Variants in BRAT1 observed in about 807,000 individuals in gnomAD.
BRAT1 encodes BRCA1 associated ATM activator 1, also known as integrator complex assembly factor BRAT1.
A neutral mutation model predicts 70.6 loss-of-function variants in BRAT1; 74 were observed. That is an observed-to-expected ratio of 1.05 (90% CI 0.87 to 1.27). BRAT1 has a LOEUF of 1.27. Ranked by LOEUF, BRAT1 falls within the 50% of genes most tolerant of loss-of-function variation. The pLI is 0.00. For missense variants in BRAT1, 1,203 were observed against 1,098.2 expected (o/e 1.10, Z -1.35); for synonymous variants, 615 against 517.1 (o/e 1.19, Z -2.57).
Position 2,543,378 on chromosome 7 carries a change from G to T in BRAT1, c.804-55C>A. ...CTCCCCCACCCTCAAAACCCCATTC[G>T]AGGCCTGGCTGAGACTGCCATGGCT... is the stretch of plus-strand genomic sequence containing the variant. On this transcript the variant is annotated intron_variant, in intron 5 of 13. Coordinates refer to ENST00000340611, the MANE Select transcript of BRAT1 (RefSeq NM_152743.4). This position sits in a 1 kb window ranked among gnomAD's most constrained non-coding sequence, Gnocchi z 5.5. 1 of 1,523,260 alleles carries T rather than the reference G, an allele frequency of 6.6e-7. No individual in the cohort carries two copies. The allele number at this position is 1,523,260 out of a possible 1,614,324, so 94.4% of individuals were successfully genotyped here.
At chr7:2,555,121 C>A (rs1229211153) in intron 1 of BRAT1, among the ~76,000 whole-genome samples, 1 of 146,826 alleles carries the variant, frequency 6.8e-6, no homozygotes, top group African/African-American at 2.5e-5. Flanking sequence ...CGGCGGGGTG[C>A]GGAAAGGAAG....
At chr7:2,540,060 T>C (rs1779029384) in intron 10 of BRAT1, 172 bp from the exon 11 acceptor site, 10 of 559,704 alleles carry the variant, frequency 1.8e-5, no homozygotes, top group African/African-American at 3.9e-5. Context: ...AGGGTCTCAA[T>C]GTGTCATCCA....
intron 4 of BRAT1, 28 bp downstream of exon 4, chr7:2,544,881 G>A (rs1485886272): frequency 1.7e-5 from 27 of 1,547,194 alleles, no homozygotes; most frequent in Non-Finnish European, 2.3e-5. Flanking sequence ...GCAGGATGAG[G>A]AATGGGGTGG....
Position 2,543,678 on chromosome 7 carries a change from G to C in BRAT1, c.715C>G (p.Arg239Gly), listed in dbSNP as rs758480762. ...AGACAGGCCACGCGGGGACTCAGCC[G>C]CACCCACAGGGCTTCCGTCCAGGGG... ...QSPWTEALWV[R>G]LSPRVACLLE... is the part of the protein sequence containing the mutation. The change falls in exon 5 of 14, where the codon CGG (arginine) becomes GGG (glycine). Residue 239 changes from arginine (R) to glycine (G), a missense_variant. Physicochemically the swap from Arg to Gly is moderately radical, Grantham distance 125 (BLOSUM62 -2). Transcript: ENST00000340611. The surrounding 1 kb of genome is among the most constrained non-coding windows in gnomAD (Gnocchi z 5.5). 5 of 1,563,360 alleles carry C rather than the reference G, an allele frequency of 3.2e-6. No individual in the cohort carries two copies. The highest frequency in any genetic ancestry group is 4.4e-6 in the Non-Finnish European group (5 of 1,149,124).
At position 2,542,194 on chromosome 7, in the gene BRAT1, G is replaced by T; in HGVS notation, c.941C>A (p.Thr314Asn). Residue 314 changes from threonine to asparagine, a missense_variant, in exon 7 of 14, where the codon ACC becomes AAC. Physicochemically the swap from Thr to Asn is moderately conservative, Grantham distance 65 (BLOSUM62 0). Transcript: ENST00000340611. ...CTGGAGAAGGACCTGGAAGGCCTGG[G>T]TCCTCAGTGCCTGTGGACTGGAGAC... ...KLEHCPQALRTQAFQVLLQPL... is the reference protein window; with the variant it reads ...KLEHCPQALRNQAFQVLLQPL... The T allele has an allele frequency of 2.6e-6, 4 of 1,564,372 alleles. No homozygotes were observed. The highest frequency in any genetic ancestry group is 3.5e-6 in the Non-Finnish European group (4 of 1,154,378).
chr7:2,547,852 G>T (rs1350307847), intron 2 of BRAT1, among the ~76,000 whole-genome samples: 5 of 152,220 alleles, frequency 3.3e-5, no homozygotes, highest in African/African-American at 9.6e-5. Context: ...AGGAGGCCAA[G>T]GCGGGTGGTC....
At chr7:2,551,332 TA>T (rs1338776081) in intron 2 of BRAT1, among the ~76,000 whole-genome samples, 1 of 151,242 alleles carries the variant, frequency 6.6e-6, no homozygotes, top group Non-Finnish European at 1.5e-5. Context: ...TGGTACACCT[TA>T]AATGGGAGAA....
In BRAT1 at chr7:2,537,884, T is replaced by C. The variant is rs1778803399; in HGVS notation, c.*185A>G. The stretch of plus-strand genomic sequence containing the variant: ...AGACTTCAATGCCATTTATTTTGAG[T>C]AGAAATAAGTCATTTCTTTAATACA... On this transcript the variant is annotated 3_prime_UTR_variant, in exon 14 of 14. Transcript: ENST00000340611. 2 of 983,174 alleles carry C rather than the reference T, an allele frequency of 2.0e-6. No homozygotes were observed. The highest frequency in any genetic ancestry group is 6.1e-5 in the South Asian group (2 of 32,794). The allele number at this position is 983,174 out of a possible 1,614,324, so 60.9% of individuals were successfully genotyped here.
intron 1 of BRAT1, 89 bp from the exon 2 acceptor site, chr7:2,554,536 C>G (rs1451598963): frequency 6.9e-7 from 1 of 1,440,356 alleles, no homozygotes; most frequent in Non-Finnish European, 9.2e-7. Context: ...CTGCTCAGGC[C>G]TGGGAAGGGG....
chr7:2,537,986 G>T lies in BRAT1; in HGVS notation c.*83C>A. ...AGAGGATCCACCGGGCTGGGCTGGAGCCCTGGGGCTGGCAGTGTCCCACAG... is the reference window on the plus strand; with the variant it reads ...AGAGGATCCACCGGGCTGGGCTGGATCCCTGGGGCTGGCAGTGTCCCACAG... On this transcript the variant is annotated 3_prime_UTR_variant, in exon 14 of 14. Coordinates refer to ENST00000340611, the MANE Select transcript of BRAT1 (RefSeq NM_152743.4). 6.9e-7 allele frequency: 1 copy of T among 1,445,866 alleles called. No homozygotes were observed. The allele number at this position is 1,445,866 out of a possible 1,614,324, so 89.6% of individuals were successfully genotyped here. A position where few individuals can be genotyped will look rare whatever the true frequency, so the allele number is the denominator to read the frequency against.
chr7:2,547,347 C>T lies in BRAT1; in HGVS notation c.259G>A (p.Glu87Lys). 5 of 1,614,114 alleles carry T rather than the reference C, an allele frequency of 3.1e-6. No homozygotes were observed. The highest frequency in any genetic ancestry group is 2.2e-5 in the East Asian group (1 of 44,876). ...LRLAGTFAAQ[E>K]NCFQYLQQGE... is the part of the protein sequence containing the mutation. ...ACCTGAAGATACTGGAAGCAGTTTT[C>T]CTGGGCTGCGAAGGTTCCTGCCAGG... Residue 87 changes from glutamate (E) to lysine (K), a missense_variant, in exon 3 of 14, where the codon GAA becomes AAA. Glu to Lys is a moderately conservative substitution (Grantham distance 56). Transcript: ENST00000340611.
intron 7 of BRAT1, 109 bp from the exon 8 acceptor site, chr7:2,541,945 A>G (rs117866045): frequency 0.039 from 51,200 of 1,305,484 alleles, 1,302 homozygotes; most frequent in South Asian, 0.08. Context: ...CTAGGTGCAG[A>G]GCAGCAGCTC....
intron 2 of BRAT1, among the ~76,000 whole-genome samples, chr7:2,550,467 C>CAAAAAAAAAA (rs71550358): frequency 3.1e-5 from 1 of 32,670 alleles, no homozygotes; most frequent in Non-Finnish European, 5.7e-5. Flanking sequence ...GACTCCATCT[C>CAAAAAAAAAA]AAAAAAAAAA....
chr7:2,553,875 G>C (rs1309497842), intron 2 of BRAT1, among the ~76,000 whole-genome samples: 1 of 151,124 alleles, frequency 6.6e-6, no homozygotes, highest in Non-Finnish European at 1.5e-5. Context: ...TTGAACTCCT[G>C]GACTTAAGCA....
In BRAT1 at chr7:2,538,754, AG is replaced by A. The variant is rs1418921410; in HGVS notation, c.1780del (p.Leu594TrpfsTer9). On this transcript the variant is annotated frameshift_variant, in exon 14 of 14. Coordinates refer to ENST00000340611, the MANE Select transcript of BRAT1 (RefSeq NM_152743.4). LOFTEE classifies it low-confidence loss of function (END_TRUNC). Reference protein sequence around the residue: ...EHAEARQSLFLELLHILSVDS... With the variant: ...EHAEARQSLFXELLHILSVDS... ...TACGGAGAGGATGTGCAGGAGCTCC[AG>A]GAACAGGCTCTGGGGGACAGGGAGC... The A allele has an allele frequency of 6.3e-7, 1 of 1,598,226 alleles. No homozygotes were observed. Among genetic ancestry groups the A allele is most frequent in the Non-Finnish European group, 8.5e-7 (1 of 1,179,848 alleles).
intron 3 of BRAT1, 86 bp from the exon 4 acceptor site, chr7:2,545,142 G>A: frequency 1.5e-6 from 2 of 1,377,262 alleles, no homozygotes; most frequent in Non-Finnish European, 1.9e-6. Context: ...GAGGAGGGCA[G>A]ATCACGAGGT....
In BRAT1 at chr7:2,537,897, T is replaced by C. The variant is rs577991732; in HGVS notation, c.*172A>G. The C allele has an allele frequency of 3.0e-4, 342 of 1,124,628 alleles. No individual in the cohort carries two copies. The African/African-American group carries it at 5.0e-3, about 17-fold the overall frequency. The allele number at this position is 1,124,628 out of a possible 1,614,324, so 69.7% of individuals were successfully genotyped here. A position where few individuals can be genotyped will look rare whatever the true frequency, so the allele number is the denominator to read the frequency against. ...ATTTATTTTGAGTAGAAATAAGTCA[T>C]TTCTTTAATACATCAAACTGTGGGA... On this transcript the variant is annotated 3_prime_UTR_variant, in exon 14 of 14. Coordinates refer to ENST00000340611, the MANE Select transcript of BRAT1 (RefSeq NM_152743.4).
intron 2 of BRAT1, among the ~76,000 whole-genome samples, chr7:2,549,667 T>G (rs1405312039): frequency 3.9e-5 from 6 of 152,156 alleles, no homozygotes; most frequent in African/African-American, 7.2e-5. Context: ...CAAACTTATC[T>G]GTTAAAAGAA....
intron 3 of BRAT1, among the ~76,000 whole-genome samples, chr7:2,545,981 CA>C (rs1049445139): frequency 1.3e-5 from 2 of 152,248 alleles, no homozygotes; most frequent in African/African-American, 4.8e-5. Context: ...TGCCTTCGCA[CA>C]ACCTGGCGAG....
Sources: allele counts gnomAD v4.1 joint callset (sites outside exome capture counted in the v4.1 genomes callset), GRCh38; gene constraint gnomAD v4.1.1; non-coding constraint Gnocchi (gnomAD v3.1); transcripts MANE v1.5; gene names NCBI Gene and HGNC (gene_info 2026-07-23, HGNC 2026-07-21).